PLXNA2: variants seen among roughly 807,000 people sequenced by gnomAD.
PLXNA2 encodes the protein plexin A2.
A neutral mutation model predicts 193.5 loss-of-function variants in PLXNA2; 91 were observed. The observed-to-expected ratio is 0.47, with a 90% CI of 0.40 to 0.56. The LOEUF is 0.56. PLXNA2 is among the 20% of genes least tolerant of loss of function. The pLI, the probability that PLXNA2 is intolerant of heterozygous loss-of-function variation, is 0.00. For synonymous variants in PLXNA2, 997 were observed against 1,027.3 expected, an observed-to-expected ratio of 0.97 and a Z score of 0.56; for missense variants, 1,995 against 2,503.2, an observed-to-expected ratio of 0.80 and a Z score of 4.33.
At position 208,024,322 on chromosome 1, in the gene PLXNA2, C is replaced by T. The variant is rs368151599; in HGVS notation, c.*2921G>A. The T allele has an allele frequency of 6.6e-6, 1 of 152,196 alleles. No individual in the cohort carries two copies. Among genetic ancestry groups the T allele is most frequent in the South Asian group, 2.1e-4 (1 of 4,802 alleles). 9.4% of individuals were successfully genotyped at this position (152,196 alleles called of 1,614,324 possible). A position where few individuals can be genotyped will look rare whatever the true frequency, so the allele number is the denominator to read the frequency against. ...AGGGAGAAGAGAGGCCAACCAACTC[C>T]CTCTTTTTCTCATCCAAAGGGTGTG... On this transcript the variant is annotated 3_prime_UTR_variant, in exon 32 of 32. Coordinates refer to ENST00000367033, the MANE Select transcript of PLXNA2 (RefSeq NM_025179.4).
At chr1:208,076,128 C>T (rs1338099146) in intron 12 of PLXNA2, among the ~76,000 whole-genome samples, 2 of 151,706 alleles carry the variant, frequency 1.3e-5, no homozygotes, top group Non-Finnish European at 2.9e-5. Context: ...AGTGCAATGG[C>T]ATGATCATAG....
At chr1:208,124,427 C>T (rs895918348) in intron 4 of PLXNA2, among the ~76,000 whole-genome samples, 1 of 151,946 alleles carries the variant, frequency 6.6e-6, no homozygotes, top group African/African-American at 2.4e-5. Flanking sequence ...GTCTGTAATC[C>T]CAGCACTTTG....
intron 6 of PLXNA2, 97 bp from the exon 7 acceptor site, chr1:208,096,980 C>G (rs6695694): frequency 0.077 from 81,728 of 1,063,988 alleles, 3,404 homozygotes; most frequent in Middle Eastern, 0.13. Context: ...CACTGATCTC[C>G]CCTGACCTCA....
At chr1:208,184,036 C>T (rs527486442) in intron 3 of PLXNA2, among the ~76,000 whole-genome samples, 1 of 152,244 alleles carries the variant, frequency 6.6e-6, no homozygotes, top group Non-Finnish European at 1.5e-5. Context: ...TTGTATTGAA[C>T]AGCACAGATA....
At chr1:208,059,071 T>C (rs555090906) in intron 13 of PLXNA2, among the ~76,000 whole-genome samples, 1 of 152,252 alleles carries the variant, frequency 6.6e-6, no homozygotes, top group African/African-American at 2.4e-5. Context: ...CCAAGTTGGA[T>C]ACAGGTCTGT....
intron 3 of PLXNA2, among the ~76,000 whole-genome samples, chr1:208,163,562 C>G (rs1669202817): frequency 1.3e-5 from 2 of 152,166 alleles, no homozygotes; most frequent in South Asian, 4.1e-4. Context: ...GGGTAGGGAG[C>G]TCTAAACTGT....
In PLXNA2 at chr1:208,127,173, A is replaced by C. The variant is rs192028939; in HGVS notation, c.1506+15156T>G. ...GGCAATGAAAACTTTGGGAAGTCCA[A>C]GGAGATGGCCTGAAGAAAATGGAGT... On this transcript the variant is annotated intron_variant, in intron 4 of 31. Transcript: ENST00000367033. 2.9e-3 allele frequency among the ~76,000 whole-genome samples: 447 copies of C among 152,326 alleles called. 5 individuals carry two copies. Among genetic ancestry groups the C allele is most frequent in the Non-Finnish European group, 4.1e-3 (281 of 68,026 alleles).
chr1:208,235,000 C>G (rs1213761558), intron 1 of PLXNA2, among the ~76,000 whole-genome samples: 1 of 152,198 alleles, frequency 6.6e-6, no homozygotes, highest in East Asian at 1.9e-4. Context: ...AGCCAGGCAG[C>G]CAGATACCCA....
intron 3 of PLXNA2, among the ~76,000 whole-genome samples, chr1:208,190,553 G>A (rs1260974740): frequency 6.6e-6 from 1 of 152,108 alleles, no homozygotes; most frequent in Non-Finnish European, 1.5e-5. Context: ...CAGTACTATC[G>A]ACATCATGGA....
At chr1:208,108,554 T>G (rs1441327846) in intron 4 of PLXNA2, among the ~76,000 whole-genome samples, 3 of 152,184 alleles carry the variant, frequency 2.0e-5, no homozygotes, top group Admixed American at 2.0e-4. Flanking sequence ...AGGACCCACA[T>G]GGTTCTGAGC....
chr1:208,186,708 A>ATTTTTTTTTTTT (rs368056918), intron 3 of PLXNA2, among the ~76,000 whole-genome samples: 8 of 111,696 alleles, frequency 7.2e-5, no homozygotes, highest in African/African-American at 2.1e-4. Flanking sequence ...TTGCAATGTT[A>ATTTTTTTTTTTT]TTTTATTTTT....
At chr1:208,188,821 T>A (rs1670086155) in intron 3 of PLXNA2, among the ~76,000 whole-genome samples, 1 of 152,020 alleles carries the variant, frequency 6.6e-6, no homozygotes, top group Admixed American at 6.5e-5. Flanking sequence ...CTGCAATGTG[T>A]AAAGTTGGAT....
At chr1:208,195,878 C>T (rs552104973) in intron 3 of PLXNA2, among the ~76,000 whole-genome samples, 108 of 151,936 alleles carry the variant, frequency 7.1e-4, no homozygotes, top group African/African-American at 2.5e-3. Context: ...GGGATACCAC[C>T]AATCCGTCTG....
intron 6 of PLXNA2, among the ~76,000 whole-genome samples, chr1:208,097,219 G>A (rs1162116318): frequency 6.6e-6 from 1 of 152,194 alleles, no homozygotes; most frequent in Non-Finnish European, 1.5e-5. Flanking sequence ...TTAATTGCAA[G>A]GCACCACACA....
Position 208,130,234 on chromosome 1 carries a change from C to T in PLXNA2, c.1506+12095G>A, listed in dbSNP as rs532016754. Among the ~76,000 whole-genome samples, 5 of 152,268 alleles carry T rather than the reference C, an allele frequency of 3.3e-5. No homozygotes were observed. The South Asian group carries it at 8.3e-4, about 25-fold the overall frequency. ...AAAGCTGAGTCCCTGAGCTGGCCTG[C>T]TACAGAAAGATCAAAGGGCCAGCTG... On this transcript the variant is annotated intron_variant, in intron 4 of 31. Coordinates refer to ENST00000367033, the MANE Select transcript of PLXNA2 (RefSeq NM_025179.4).
chr1:208,081,674 T>C (rs1302043662), intron 11 of PLXNA2, among the ~76,000 whole-genome samples: 1 of 152,324 alleles, frequency 6.6e-6, no homozygotes, highest in East Asian at 1.9e-4. Flanking sequence ...ATAATAATAG[T>C]ACATACCTCT....
intron 3 of PLXNA2, among the ~76,000 whole-genome samples, chr1:208,168,986 C>A (rs934126494): frequency 7.2e-5 from 11 of 151,986 alleles, no homozygotes; most frequent in African/African-American, 2.7e-4. Flanking sequence ...AGATACCCTG[C>A]CCTTCGATGG....
intron 16 of PLXNA2, 61 bp from the exon 17 acceptor site, chr1:208,051,163 T>G (rs1305843228): frequency 6.3e-7 from 1 of 1,594,990 alleles, no homozygotes; most frequent in East Asian, 2.2e-5. Flanking sequence ...ATGGTGAACC[T>G]CCACCTTAGG....
intron 4 of PLXNA2, among the ~76,000 whole-genome samples, chr1:208,109,228 A>C (rs910154317): frequency 6.6e-6 from 1 of 152,084 alleles, no homozygotes; most frequent in African/African-American, 2.4e-5. Flanking sequence ...AGGGCAGAGC[A>C]CACAGCAGCT....
Sources: gnomAD v4.1 joint callset for allele counts (sites outside exome capture counted in the v4.1 genomes callset) on GRCh38, gnomAD v4.1.1 for gene constraint, MANE v1.5 for transcripts, NCBI Gene and HGNC (gene_info 2026-07-23, HGNC 2026-07-21) for gene names.